Variants in CNBD1 observed in about 807,000 individuals in gnomAD.
CNBD1 encodes the protein cyclic nucleotide binding domain containing 1, also known as cyclic nucleotide-binding domain-containing protein 1.
In CNBD1, 71 loss-of-function variants were observed where a neutral mutation model predicts 54.4. The ratio of observed to expected loss-of-function variants is 1.30; its 90% CI spans 1.08 to 1.59. The LOEUF is 1.59. Among genes scored for constraint, CNBD1 ranks in the 40% most tolerant of loss-of-function variants. The pLI is 0.00. For missense variants in CNBD1, 659 were observed against 518.0 expected, an observed-to-expected ratio of 1.27 and a Z score of -2.64; for synonymous variants, 182 against 170.7, an observed-to-expected ratio of 1.07 and a Z score of -0.51.
chr8:87,009,704 G>T (rs942687773), intron 4 of CNBD1, among the ~76,000 whole-genome samples: 1 of 152,090 alleles, frequency 6.6e-6, no homozygotes, highest in Non-Finnish European at 1.5e-5. Flanking sequence ...GCATTTCTAT[G>T]ACTTAATATG....
chr8:86,969,738 T>A (rs1408038724), intron 4 of CNBD1, among the ~76,000 whole-genome samples: 1 of 151,462 alleles, frequency 6.6e-6, no homozygotes, highest in Non-Finnish European at 1.5e-5. Flanking sequence ...TGGAATACAG[T>A]CATCTAAATT....
At chr8:87,402,578 G>T (rs947724573) in intron 2 of CNBD1, among the ~76,000 whole-genome samples, 1 of 152,084 alleles carries the variant, frequency 6.6e-6, no homozygotes, top group Non-Finnish European at 1.5e-5. Context: ...AATATCAATT[G>T]TGTGGGAGTC....
intron 1 of CNBD1, among the ~76,000 whole-genome samples, chr8:86,882,959 G>T (rs1563809499): frequency 6.6e-6 from 1 of 152,136 alleles, no homozygotes; most frequent in Non-Finnish European, 1.5e-5. Flanking sequence ...TTGTAAGTGG[G>T]AGCTAAGAGA....
chr8:87,209,189 T>C (rs959374142), intron 5 of CNBD1, among the ~76,000 whole-genome samples: 2 of 152,112 alleles, frequency 1.3e-5, no homozygotes, highest in Non-Finnish European at 2.9e-5. Context: ...TGCTGAATTT[T>C]ACCAAATATT....
At position 87,304,916 on chromosome 8, in the gene CNBD1, A is replaced by G. The variant is rs537114026; in HGVS notation, c.1042+18245A>G. On this transcript the variant is annotated intron_variant, in intron 8 of 10. Coordinates refer to ENST00000518476, the MANE Select transcript of CNBD1 (RefSeq NM_173538.3). ...AGTACTGGAAATCCTTATCAGAGCA[A>G]TCAAGAGAAAGAAATAAAGGGCATC... is the stretch of plus-strand genomic sequence containing the variant. Among the ~76,000 whole-genome samples, 24 of 152,180 alleles carry G rather than the reference A, an allele frequency of 1.6e-4. No homozygotes were observed. In the South Asian group the frequency reaches 4.8e-3, roughly 30 times the overall value.
intron 2 of CNBD1, among the ~76,000 whole-genome samples, chr8:86,889,903 A>G (rs1808742353): frequency 6.6e-6 from 1 of 152,132 alleles, no homozygotes; most frequent in Non-Finnish European, 1.5e-5. Context: ...GTTGATTATA[A>G]ATAAGTTAGG....
chr8:86,936,383 C>T (rs1359562011), intron 3 of CNBD1, among the ~76,000 whole-genome samples: 1 of 151,922 alleles, frequency 6.6e-6, no homozygotes, highest in Non-Finnish European at 1.5e-5. Flanking sequence ...CATGACAATA[C>T]AAATGTTATG....
rs1263974632 is a variant in CNBD1, at chr8:86,866,416, CTTTATG to C, written c.-79_-74del. On this transcript the variant is annotated 5_prime_UTR_variant, in exon 1 of 11. The change abolishes an upstream ATG in the 5' untranslated region. Transcript: ENST00000518476. ...TATCAGAGAGGACCTTGAAGTTCTG[CTTTATG>C]AGCCTGCAGGCAAAGAGTGATCATT... 4.1e-6 allele frequency: 4 copies of C among 979,756 alleles called. No homozygotes were observed. In the Admixed American group the frequency reaches 8.1e-5, roughly 20 times the overall value. The allele number at this position is 979,756 out of a possible 1,614,324, so 60.7% of individuals were successfully genotyped here.
chr8:87,152,375 A>G (rs989097792), intron 4 of CNBD1, among the ~76,000 whole-genome samples: 3 of 151,600 alleles, frequency 2.0e-5, no homozygotes, highest in African/African-American at 7.3e-5. Flanking sequence ...TATGGGCCAC[A>G]TTGGAAGAAG....
intron 2 of CNBD1, among the ~76,000 whole-genome samples, chr8:87,404,653 C>G (rs1324696484): frequency 6.6e-6 from 1 of 152,046 alleles, no homozygotes; most frequent in Non-Finnish European, 1.5e-5. Flanking sequence ...CTGTAGTACC[C>G]ACAGTGTATA....
intron 10 of CNBD1, among the ~76,000 whole-genome samples, chr8:87,360,817 A>G (rs1022816213): frequency 1.4e-4 from 22 of 151,914 alleles, no homozygotes; most frequent in Non-Finnish European, 3.1e-4. Flanking sequence ...AACTATCTGA[A>G]AGTTTCTGCT....
chr8:87,369,069 T>A (rs1202959891), intron 10 of CNBD1, among the ~76,000 whole-genome samples: 2 of 152,010 alleles, frequency 1.3e-5, no homozygotes, highest in African/African-American at 4.8e-5. Context: ...ACTCAATAAT[T>A]TTTTTAATCC....
chr8:87,355,086 A>G (rs1426672393), intron 10 of CNBD1, among the ~76,000 whole-genome samples: 1 of 152,184 alleles, frequency 6.6e-6, no homozygotes, highest in Non-Finnish European at 1.5e-5. Flanking sequence ...GAGTTTTTTA[A>G]AAGAGTAGAG....
intron 4 of CNBD1, among the ~76,000 whole-genome samples, chr8:86,992,154 A>G (rs1808764202): frequency 6.6e-6 from 1 of 152,240 alleles, no homozygotes; most frequent in East Asian, 1.9e-4. Flanking sequence ...GTCTTTTCAT[A>G]GGTCAAGGAT....
At chr8:87,377,468 C>T (rs1810973203) in intron 10 of CNBD1, among the ~76,000 whole-genome samples, 2 of 151,944 alleles carry the variant, frequency 1.3e-5, no homozygotes, top group African/African-American at 2.4e-5. Flanking sequence ...CATGTCCCTA[C>T]AAAGGACATG....
chr8:87,042,086 A>G (rs545198731), intron 4 of CNBD1, among the ~76,000 whole-genome samples: 74 of 152,298 alleles, frequency 4.9e-4, no homozygotes, highest in African/African-American at 1.8e-3. Flanking sequence ...GGCCTATGCA[A>G]AAGAGAGTTA....
chr8:87,336,662 G>A (rs180916331), intron 8 of CNBD1, among the ~76,000 whole-genome samples: 35 of 152,170 alleles, frequency 2.3e-4, no homozygotes. Flanking sequence ...CCTCAGTGAA[G>A]TTTGTTATTA....
chr8:87,276,172 G>T (rs1465039367), intron 6 of CNBD1, among the ~76,000 whole-genome samples: 1 of 151,766 alleles, frequency 6.6e-6, no homozygotes, highest in Non-Finnish European at 1.5e-5. Context: ...ATTGATATTA[G>T]TTGGCTTGCT....
chr8:87,395,341 T>A (rs1489482667), intron 2 of CNBD1, among the ~76,000 whole-genome samples: 1 of 151,930 alleles, frequency 6.6e-6, no homozygotes, highest in Non-Finnish European at 1.5e-5. Flanking sequence ...TTGCTGCTAC[T>A]CTGGATTTTA....
Sources: gnomAD v4.1 joint callset for allele counts (sites outside exome capture counted in the v4.1 genomes callset) on GRCh38, gnomAD v4.1.1 for gene constraint, MANE v1.5 for transcripts, NCBI Gene and HGNC (gene_info 2026-07-23, HGNC 2026-07-21) for gene names.